Variants in MED12L observed in about 807,000 individuals in gnomAD.
MED12L encodes the protein mediator of RNA polymerase II transcription subunit 12-like protein.
In MED12L, 60 loss-of-function variants were observed where a neutral mutation model predicts 281.3. That is an observed-to-expected ratio of 0.21 (90% CI 0.17 to 0.26). The LOEUF (loss-of-function observed/expected upper bound fraction) is 0.26, where lower values mean the gene tolerates loss of function less well. Among genes scored for constraint, MED12L ranks in the 10% least tolerant of loss-of-function variants. The pLI is 1.00. For missense variants in MED12L, 2,146 were observed against 2,680.9 expected, an observed-to-expected ratio of 0.80 and a Z score of 4.41; for synonymous variants, 974 against 987.2, an observed-to-expected ratio of 0.99 and a Z score of 0.25.
chr3:151,364,834 A>C, intron 21 of MED12L, 145 bp from the exon 22 acceptor site: 1 of 617,220 alleles, frequency 1.6e-6, no homozygotes, highest in Middle Eastern at 4.5e-4. Context: ...CCAATTAGTA[A>C]GAAGTTCTAA....
intron 12 of MED12L, 140 bp from the exon 13 acceptor site, chr3:151,188,214 C>A (rs562697837): frequency 1.7e-6 from 1 of 571,990 alleles, no homozygotes; most frequent in Non-Finnish European, 3.0e-6. Context: ...GGTGCATGGT[C>A]CCTTAAATAA....
At position 151,224,976 on chromosome 3, in the gene MED12L, C is replaced by T. The variant is rs536991936; in HGVS notation, c.2250+31310C>T. On this transcript the variant is annotated intron_variant, in intron 16 of 44. Transcript: ENST00000687756. The stretch of plus-strand genomic sequence containing the variant: ...TTTATGTTACTAAAATAACTTACAG[C>T]GTTTTACATCTTTAAAATATTTTAT... 6.7e-4 allele frequency among the ~76,000 whole-genome samples: 102 copies of T among 152,266 alleles called. 1 individual carries two copies. Among genetic ancestry groups the T allele is most frequent in the African/African-American group, 2.3e-3 (95 of 41,534 alleles).
chr3:151,155,881 C>T (rs1447167731), intron 5 of MED12L, among the ~76,000 whole-genome samples: 2 of 152,118 alleles, frequency 1.3e-5, no homozygotes, highest in African/African-American at 4.8e-5. Flanking sequence ...CATCTCTTCT[C>T]CTAGGTTAAG....
At chr3:151,163,850 T>C in intron 8 of MED12L, 43 bp from the exon 9 acceptor site, 1 of 1,589,108 alleles carries the variant, frequency 6.3e-7, no homozygotes, top group Non-Finnish European at 8.6e-7. Flanking sequence ...GTTATGCTTT[T>C]CTCCTTCCTC....
At chr3:151,265,905 G>A (rs981845964) in intron 16 of MED12L, among the ~76,000 whole-genome samples, 4 of 152,098 alleles carry the variant, frequency 2.6e-5, no homozygotes, top group South Asian at 2.1e-4. Context: ...AGAGTCTTGC[G>A]GCCCTGAGAA....
intron 44 of MED12L, 64 bp downstream of exon 44, chr3:151,430,444 C>T (rs546476626): frequency 7.6e-5 from 121 of 1,602,258 alleles, no homozygotes; most frequent in Non-Finnish European, 9.5e-5. Context: ...GCCAGCGAAA[C>T]GTAAAGTGGC....
chr3:151,415,881 C>CAA (rs1252161457), intron 42 of MED12L, among the ~76,000 whole-genome samples: 1 of 150,418 alleles, frequency 6.6e-6, no homozygotes, highest in Non-Finnish European at 1.5e-5. Flanking sequence ...AAACAAAAAA[C>CAA]AAAAAAAAAC....
In MED12L at chr3:151,306,422, G is replaced by A. The variant is rs146754997; in HGVS notation, c.2251-43637G>A. Among the ~76,000 whole-genome samples, 261 of 152,302 alleles carry A rather than the reference G, an allele frequency of 1.7e-3. 1 individual carries two copies. The highest frequency in any genetic ancestry group is 5.8e-3 in the African/African-American group (243 of 41,562). ...ACCCTACTGATTGTGTTATAAAACTGCTTTCGGTGGGGAAAAACTGAGGTT... is the reference window on the plus strand; with the variant it reads ...ACCCTACTGATTGTGTTATAAAACTACTTTCGGTGGGGAAAAACTGAGGTT... On this transcript the variant is annotated intron_variant, in intron 16 of 44. Transcript: ENST00000687756.
intron 22 of MED12L, among the ~76,000 whole-genome samples, 160 bp downstream of exon 22, chr3:151,365,366 T>C (rs757308094): frequency 6.6e-6 from 1 of 152,210 alleles, no homozygotes. Context: ...GCACTATCTT[T>C]TAATTTCCTT....
chr3:151,208,556 CCTGTAAT>C, intron 16 of MED12L, among the ~76,000 whole-genome samples: 1 of 152,186 alleles, frequency 6.6e-6, no homozygotes, highest in East Asian at 1.9e-4. Context: ...ATGGCGGGTA[CCTGTAAT>C]CTCAGCTACT....
intron 3 of MED12L, among the ~76,000 whole-genome samples, chr3:151,117,649 CCAA>C (rs1713032446): frequency 6.6e-6 from 1 of 152,124 alleles, no homozygotes; most frequent in Non-Finnish European, 1.5e-5. Context: ...CATTGCCACT[CCAA>C]CAACAAAACC....
intron 16 of MED12L, among the ~76,000 whole-genome samples, chr3:151,235,692 C>CAAATAAATAAAT (rs139535921): frequency 7.4e-5 from 11 of 149,086 alleles, no homozygotes; most frequent in African/African-American, 2.7e-4. Context: ...GACTCCATCT[C>CAAATAAATAAAT]AAATAAATAA....
At position 151,431,658 on chromosome 3, in the gene MED12L, T is replaced by G. The variant is rs76223737; in HGVS notation, c.6491-1094T>G. Among the ~76,000 whole-genome samples the G allele has an allele frequency of 1.1e-3, 162 of 152,324 alleles. 1 individual carries two copies. The East Asian group carries it at 0.026, about 25-fold the overall frequency. On this transcript the variant is annotated intron_variant, in intron 44 of 44. Coordinates refer to ENST00000687756, the MANE Select transcript of MED12L (RefSeq NM_001393769.1). Reference sequence around the variant, plus strand: ...AGAAAATACAATCTTAAGGCAGATTTTTTCTTCTAGTGTTTAGAAATAGGT... The same window carrying G: ...AGAAAATACAATCTTAAGGCAGATTGTTTCTTCTAGTGTTTAGAAATAGGT...
At chr3:151,135,206 G>A (rs958583075) in intron 5 of MED12L, among the ~76,000 whole-genome samples, 2 of 152,124 alleles carry the variant, frequency 1.3e-5, no homozygotes, top group Middle Eastern at 3.4e-3. Flanking sequence ...TTGTAGAGAC[G>A]AGGTTTCACC....
At chr3:151,107,138 T>G (rs11714357) in intron 2 of MED12L, among the ~76,000 whole-genome samples, 3,084 of 152,184 alleles carry the variant, frequency 0.02, 113 homozygotes, top group East Asian at 0.18. Flanking sequence ...AAATAACTTT[T>G]GTTTACCAAT....
At position 151,432,954 on chromosome 3, in the gene MED12L, AGGTGTTT is replaced by A; in HGVS notation, c.*151_*157del. On this transcript the variant is annotated 3_prime_UTR_variant, in exon 45 of 45. Transcript: ENST00000687756. The stretch of plus-strand genomic sequence containing the variant: ...TGCTACATCTCACAAAAAAAAAAAA[AGGTGTTT>A]AAACAAAAAGCCAAGGAGAAGTTGT... The A allele has an allele frequency of 3.8e-6, 2 of 521,892 alleles. No homozygotes were observed. Among genetic ancestry groups the A allele is most frequent in the Non-Finnish European group, 6.6e-6 (2 of 304,346 alleles). 32.3% of individuals were successfully genotyped at this position (521,892 alleles called of 1,614,324 possible).
chr3:151,276,041 A>G (rs1741796050), intron 16 of MED12L, among the ~76,000 whole-genome samples: 1 of 152,234 alleles, frequency 6.6e-6, no homozygotes. Flanking sequence ...ATTGATGATC[A>G]TAATTAATTT....
chr3:151,294,054 T>C (rs532069196), intron 16 of MED12L: 2 of 721,794 alleles, frequency 2.8e-6, no homozygotes, highest in East Asian at 5.0e-5. Context: ...TATGACCCCA[T>C]TTCATATCAT....
intron 2 of MED12L, among the ~76,000 whole-genome samples, chr3:151,112,879 G>A (rs1037181440): frequency 9.9e-5 from 15 of 152,172 alleles, no homozygotes; most frequent in African/African-American, 3.6e-4. Context: ...AGAATAGGAT[G>A]TCTTTCATTT....
Sources: gnomAD v4.1 joint callset for allele counts (sites outside exome capture counted in the v4.1 genomes callset) on GRCh38, gnomAD v4.1.1 for gene constraint, MANE v1.5 for transcripts, NCBI Gene and HGNC (gene_info 2026-07-23, HGNC 2026-07-21) for gene names.